Variants in SEC14L1 observed in about 807,000 individuals in gnomAD.
The protein encoded by SEC14L1 is SEC14-like protein 1.
A neutral mutation model predicts 85.3 loss-of-function variants in SEC14L1; 48 were observed. The ratio of observed to expected loss-of-function variants is 0.56; its 90% CI spans 0.45 to 0.72. The LOEUF (loss-of-function observed/expected upper bound fraction) is 0.72, where lower values mean the gene tolerates loss of function less well. Ranked by LOEUF, SEC14L1 falls within the 30% of genes least tolerant of loss-of-function variation. The pLI is 0.00. For synonymous variants in SEC14L1, 391 were observed against 355.5 expected (o/e 1.10, Z -1.12); for missense variants, 682 against 921.4 (o/e 0.74, Z 3.36).
At chr17:77,107,282 C>T (rs557477972) in intron 3 of SEC14L1, among the ~76,000 whole-genome samples, 1 of 152,302 alleles carries the variant, frequency 6.6e-6, no homozygotes, top group African/African-American at 2.4e-5. Context: ...ATTTAATCCT[C>T]AGAACAGTTT....
At chr17:77,173,518 T>C (rs531772726) in intron 3 of SEC14L1, among the ~76,000 whole-genome samples, 1 of 152,128 alleles carries the variant, frequency 6.6e-6, no homozygotes, top group Non-Finnish European at 1.5e-5. Context: ...TCTTACTGGC[T>C]TTGAGGGGGT....
Position 77,216,767 on chromosome 17 carries a change from C to G in SEC14L1, c.*2744C>G. The G allele has an allele frequency of 1.1e-6, 1 of 879,090 alleles. No individual in the cohort carries two copies. The highest frequency in any genetic ancestry group is 1.7e-6 in the Non-Finnish European group (1 of 583,954). The allele number at this position is 879,090 out of a possible 1,614,324, so 54.5% of individuals were successfully genotyped here. A position where few individuals can be genotyped will look rare whatever the true frequency, so the allele number is the denominator to read the frequency against. ...AAGCACATGACCGCACAAATGCTTACAGGGTTTCCTCCCGAGTAATCCAAT... is the reference window on the plus strand; with the variant it reads ...AAGCACATGACCGCACAAATGCTTAGAGGGTTTCCTCCCGAGTAATCCAAT... On this transcript the variant is annotated 3_prime_UTR_variant, in exon 17 of 17. Transcript: ENST00000436233.
chr17:77,165,877 A>G (rs1974259287), intron 3 of SEC14L1, among the ~76,000 whole-genome samples: 1 of 152,138 alleles, frequency 6.6e-6, no homozygotes, highest in Non-Finnish European at 1.5e-5. Flanking sequence ...GAACACATGG[A>G]TTTTATTTGG....
At chr17:77,126,020 G>GCA (rs1484743895) in intron 3 of SEC14L1, among the ~76,000 whole-genome samples, 1 of 152,152 alleles carries the variant, frequency 6.6e-6, no homozygotes, top group Non-Finnish European at 1.5e-5. Flanking sequence ...GTATGGTGGC[G>GCA]CATGCCTGTA....
intron 3 of SEC14L1, among the ~76,000 whole-genome samples, chr17:77,169,187 C>A (rs1489894899): frequency 6.6e-6 from 1 of 152,036 alleles, no homozygotes; most frequent in African/African-American, 2.4e-5. Flanking sequence ...CAAAAGGCAG[C>A]TTGACTGGTA....
At chr17:77,173,282 CG>C (rs982115040) in intron 3 of SEC14L1, among the ~76,000 whole-genome samples, 4 of 151,822 alleles carry the variant, frequency 2.6e-5, no homozygotes, top group Middle Eastern at 3.2e-3. Flanking sequence ...TGTTCTGTCT[CG>C]CACCGAAGTC....
At chr17:77,111,152 C>T (rs369443548) in intron 3 of SEC14L1, among the ~76,000 whole-genome samples, 1 of 147,552 alleles carries the variant, frequency 6.8e-6, no homozygotes, top group Non-Finnish European at 1.5e-5. Context: ...GAGGTTGTGC[C>T]ATTGCACTGG....
intron 3 of SEC14L1, among the ~76,000 whole-genome samples, chr17:77,131,480 G>C (rs1244296662): frequency 1.3e-5 from 2 of 151,966 alleles, no homozygotes; most frequent in African/African-American, 4.8e-5. Context: ...ATGTTGGCCA[G>C]GCTGGTCTCA....
At chr17:77,199,860 C>T (rs945591408) in intron 8 of SEC14L1, among the ~76,000 whole-genome samples, 1 of 152,176 alleles carries the variant, frequency 6.6e-6, no homozygotes, top group Non-Finnish European at 1.5e-5. Context: ...TAGTGCAGCT[C>T]ACTGTTGATT....
At chr17:77,113,837 G>A (rs748949847) in intron 3 of SEC14L1, among the ~76,000 whole-genome samples, 6 of 152,198 alleles carry the variant, frequency 3.9e-5, no homozygotes, top group Admixed American at 1.3e-4. Context: ...GGGTGAAGAA[G>A]TCACTGTCTG....
intron 3 of SEC14L1, among the ~76,000 whole-genome samples, chr17:77,181,453 T>G (rs7218681): frequency 1.3e-5 from 2 of 152,374 alleles, no homozygotes; most frequent in South Asian, 4.1e-4. Context: ...GCTCTTGTTG[T>G]GCAGGCTGGA....
intron 3 of SEC14L1, chr17:77,130,188 C>T (rs542539): frequency 0.4 from 60,544 of 151,800 alleles, 12,334 homozygotes; most frequent in African/African-American, 0.45. Context: ...CCTGGTGACA[C>T]GAGGTACAGT....
At chr17:77,212,343 G>A in intron 15 of SEC14L1, 142 bp downstream of exon 15, 1 of 1,247,700 alleles carries the variant, frequency 8.0e-7, no homozygotes. Context: ...AGCTTGCCTG[G>A]AGGAGCAGGA....
chr17:77,178,737 A>T (rs139021375), intron 3 of SEC14L1, among the ~76,000 whole-genome samples: 23 of 152,290 alleles, frequency 1.5e-4, no homozygotes, highest in Non-Finnish European at 2.9e-4. Context: ...CACTCCTGTG[A>T]GAGTCTGATG....
chr17:77,138,014 G>C (rs1286890307), upstream of SEC14L1, among the ~76,000 whole-genome samples: 1 of 152,118 alleles, frequency 6.6e-6, no homozygotes, highest in Non-Finnish European at 1.5e-5. Context: ...AGACAACTTG[G>C]TGGGTCGGGG....
chr17:77,140,437 T>C (rs1434401775), upstream of SEC14L1, among the ~76,000 whole-genome samples: 2 of 152,206 alleles, frequency 1.3e-5, no homozygotes, highest in African/African-American at 2.4e-5. Context: ...GTCGGGGCAC[T>C]GGCGCGAGCA....
intron 3 of SEC14L1, among the ~76,000 whole-genome samples, chr17:77,150,153 G>T (rs538994600): frequency 1.3e-5 from 2 of 152,268 alleles, no homozygotes; most frequent in Admixed American, 6.5e-5. Context: ...GGCATTTGGG[G>T]TTTTTTCCCC....
intron 2 of SEC14L1, chr17:77,089,656 CAT>C: frequency 2.8e-6 from 1 of 356,972 alleles, no homozygotes; most frequent in Non-Finnish European, 5.5e-6. Context: ...AGAAAACAGT[CAT>C]GGCCCTTGTT....
At position 77,216,623 on chromosome 17, in the gene SEC14L1, A is replaced by G. The variant is rs368178977; in HGVS notation, c.*2600A>G. The G allele has an allele frequency of 6.2e-7, 1 of 1,612,808 alleles. No individual in the cohort carries two copies. The highest frequency in any genetic ancestry group is 1.7e-5 in the Admixed American group (1 of 59,934). On this transcript the variant is annotated 3_prime_UTR_variant, in exon 17 of 17. Coordinates refer to ENST00000436233, the MANE Select transcript of SEC14L1 (RefSeq NM_001143998.2). Reference sequence around the variant, plus strand: ...TCATGTGCCCAGAGATGTTTATAGAACTGTTTGAATTGCAGCCATCCCCTG... The same window carrying G: ...TCATGTGCCCAGAGATGTTTATAGAGCTGTTTGAATTGCAGCCATCCCCTG...
Sources: allele counts gnomAD v4.1 joint callset (sites outside exome capture counted in the v4.1 genomes callset), GRCh38; gene constraint gnomAD v4.1.1; transcripts MANE v1.5; gene names NCBI Gene and HGNC (gene_info 2026-07-23, HGNC 2026-07-21).